The following ARHGEF2 variants were observed in gnomAD, a reference collection of about 807,000 sequenced individuals.
ARHGEF2 encodes the protein rho guanine nucleotide exchange factor 2.
A neutral mutation model predicts 121.0 loss-of-function variants in ARHGEF2; 22 were observed. The observed-to-expected ratio is 0.18, with a 90% CI of 0.13 to 0.26. The LOEUF is 0.26. Ranked by LOEUF, ARHGEF2 falls within the 10% of genes least tolerant of loss-of-function variation. The pLI, the probability that ARHGEF2 is intolerant of heterozygous loss-of-function variation, is 1.00. For missense variants in ARHGEF2, 907 were observed against 1,336.0 expected, an observed-to-expected ratio of 0.68 and a Z score of 5.01; for synonymous variants, 487 against 530.0, an observed-to-expected ratio of 0.92 and a Z score of 1.11.
intron 2 of ARHGEF2, among the ~76,000 whole-genome samples, chr1:155,967,285 G>C (rs1021893539): frequency 1.3e-5 from 2 of 152,154 alleles, no homozygotes; most frequent in Admixed American, 6.5e-5. Flanking sequence ...CAGCCAGAAT[G>C]GGGGCTAGGG....
chr1:155,971,302 G>A (rs1680407635), intron 1 of ARHGEF2, among the ~76,000 whole-genome samples: 1 of 152,080 alleles, frequency 6.6e-6, no homozygotes, highest in African/African-American at 2.4e-5. Context: ...TTCAGGCTGG[G>A]TGCAGTGGCT....
chr1:155,969,412 G>A, intron 1 of ARHGEF2, 112 bp from the exon 2 acceptor site: 1 of 1,532,748 alleles, frequency 6.5e-7, no homozygotes. Context: ...GCCTGAGGAT[G>A]CTGGAAAGAC....
Position 155,965,279 on chromosome 1 carries a change from TC to T in ARHGEF2, c.580+23del, listed in dbSNP as rs1318875941. On this transcript the variant is annotated intron_variant, in intron 6 of 21. Coordinates refer to ENST00000361247, the MANE Select transcript of ARHGEF2 (RefSeq NM_001162383.2). The surrounding 1 kb of genome is among the most constrained non-coding windows in gnomAD (Gnocchi z 6.0). ...AGCCCCTCTTCATGTTCCTCAGGGC[TC>T]CCCTGGGCCCAGGCCTGCTCACCTT... 1.2e-6 allele frequency: 2 copies of T among 1,610,584 alleles called. No homozygotes were observed. The highest frequency in any genetic ancestry group is 1.7e-6 in the Non-Finnish European group (2 of 1,176,892).
At position 155,948,020 on chromosome 1, in the gene ARHGEF2, A is replaced by AG. The variant is rs921454154; in HGVS notation, c.2888-6dup. The AG allele has an allele frequency of 6.4e-7, 1 of 1,550,920 alleles. No homozygotes were observed. Among genetic ancestry groups the AG allele is most frequent in the Non-Finnish European group, 8.7e-7 (1 of 1,146,558 alleles). ...TGTCCTGCATTCTGGTAAAGTCTGA[A>AG]GGGGGACAGGACAAAGCCAGTGAGT... On this transcript the variant is annotated splice_polypyrimidine_tract_variant and splice_region_variant and intron_variant, in intron 21 of 21. Transcript: ENST00000361247.
intron 7 of ARHGEF2, among the ~76,000 whole-genome samples, chr1:155,964,165 AAAATATATATAT>A (rs1445192413): frequency 4.3e-5 from 4 of 93,042 alleles, no homozygotes; most frequent in African/African-American, 1.7e-4. Context: ...AAAAAAAAAA[AAAATATATATAT>A]ATATATATAT....
intron 1 of ARHGEF2, chr1:155,969,876 C>G (rs1004696287): frequency 1.0e-6 from 1 of 985,752 alleles, no homozygotes; most frequent in African/African-American, 1.7e-5. Flanking sequence ...ACCCCCAACC[C>G]AGGGGTCAGG....
chr1:155,964,878 G>A, intron 7 of ARHGEF2, 110 bp downstream of exon 7: 2 of 1,237,668 alleles, frequency 1.6e-6, no homozygotes, highest in Non-Finnish European at 2.2e-6. Flanking sequence ...GGTTGAGAGA[G>A]TGAGACTCCA....
At chr1:155,958,574 A>ATTTTTT (rs397722034) in intron 11 of ARHGEF2, among the ~76,000 whole-genome samples, 178 bp from the exon 12 acceptor site, 1 of 122,272 alleles carries the variant, frequency 8.2e-6, no homozygotes. Context: ...CACCCATTCT[A>ATTTTTT]TTTTTTTTTT....
At chr1:155,973,799 G>A (rs929321032) in intron 1 of ARHGEF2, among the ~76,000 whole-genome samples, 1 of 152,038 alleles carries the variant, frequency 6.6e-6, no homozygotes, top group African/African-American at 2.4e-5. Context: ...ATGGCAGAGG[G>A]CATTGTGGAT....
intron 3 of ARHGEF2, 38 bp downstream of exon 3, chr1:155,966,782 C>A: frequency 6.4e-7 from 1 of 1,560,248 alleles, no homozygotes; most frequent in Non-Finnish European, 8.8e-7. Context: ...ACACTCACTA[C>A]CCTCTCCCCC....
chr1:155,961,743 G>A lies in ARHGEF2; in HGVS notation c.1386C>T (p.Pro462=), dbSNP rs146397969. The A allele has an allele frequency of 5.6e-6, 9 of 1,614,078 alleles. No homozygotes were observed. Among genetic ancestry groups the A allele is most frequent in the Non-Finnish European group, 6.8e-6 (8 of 1,180,040 alleles). ...RAQTPVPGKG[P]FGREELLRRK... ...GCCTCAGAAGTTCCTCTCGGCCAAAGGGGCCCTTGCCAGGCACTGGGGTTT... is the reference window on the plus strand; with the variant it reads ...GCCTCAGAAGTTCCTCTCGGCCAAAAGGGCCCTTGCCAGGCACTGGGGTTT... Residue 462 remains proline, a synonymous_variant, in exon 11 of 22, where the codon CCC becomes CCT. Coordinates refer to ENST00000361247, the MANE Select transcript of ARHGEF2 (RefSeq NM_001162383.2). The surrounding 1 kb of genome is among the most constrained non-coding windows in gnomAD (Gnocchi z 4.7).
At chr1:155,953,435 A>T (rs1675932280) in intron 14 of ARHGEF2, among the ~76,000 whole-genome samples, 1 of 152,162 alleles carries the variant, frequency 6.6e-6, no homozygotes, top group South Asian at 2.1e-4. Flanking sequence ...ATATTGCTAC[A>T]TGACTACATT....
intron 14 of ARHGEF2, among the ~76,000 whole-genome samples, chr1:155,953,259 C>CT: frequency 1.0e-5 from 1 of 100,102 alleles, no homozygotes; most frequent in East Asian, 3.1e-4. Context: ...CAGCAAGACT[C>CT]TGTCTCAAAA....
At position 155,950,357 on chromosome 1, in the gene ARHGEF2, A is replaced by G. The variant is rs1393145471; in HGVS notation, c.2829T>C (p.Pro943=). Residue 943 remains proline, a synonymous_variant, in exon 21 of 22, where the codon CCT becomes CCC. Coordinates refer to ENST00000361247, the MANE Select transcript of ARHGEF2 (RefSeq NM_001162383.2). The surrounding 1 kb of genome is among the most constrained non-coding windows in gnomAD (Gnocchi z 5.2). The stretch of plus-strand genomic sequence containing the variant: ...TACCTTCCTCCTCGCTGCCAGTGTC[A>G]GGGTCACTGCTGTCTTGCAGCCGCT... The part of the protein sequence containing the change: ...PEERLQDSSD[P]DTGSEEEGSS... The G allele has an allele frequency of 6.2e-7, 1 of 1,613,962 alleles. No individual in the cohort carries two copies. The highest frequency in any genetic ancestry group is 1.7e-5 in the Admixed American group (1 of 60,016).
At position 155,948,024 on chromosome 1, in the gene ARHGEF2, G is replaced by A. The variant is rs1674667527; in HGVS notation, c.2888-9C>T. ...CTGCATTCTGGTAAAGTCTGAAGGG[G>A]GACAGGACAAAGCCAGTGAGTTAGC... is the stretch of plus-strand genomic sequence containing the variant. On this transcript the variant is annotated splice_polypyrimidine_tract_variant and intron_variant, in intron 21 of 21. Transcript: ENST00000361247. 1.3e-6 allele frequency: 2 copies of A among 1,550,592 alleles called. No homozygotes were observed. The highest frequency in any genetic ancestry group is 2.4e-5 in the East Asian group (1 of 41,034).
Position 155,962,795 on chromosome 1 carries a change from C to T in ARHGEF2, c.976-77G>A, listed in dbSNP as rs1558025522. 3.7e-6 allele frequency: 6 copies of T among 1,600,504 alleles called. No homozygotes were observed. The highest frequency in any genetic ancestry group is 5.1e-6 in the Non-Finnish European group (6 of 1,171,806). On this transcript the variant is annotated intron_variant, in intron 8 of 21. Coordinates refer to ENST00000361247, the MANE Select transcript of ARHGEF2 (RefSeq NM_001162383.2). The surrounding 1 kb of genome is among the most constrained non-coding windows in gnomAD (Gnocchi z 5.8). ...TACCCACTGGACACACCTCTGGCCT[C>T]CTGCCAAACAGGCTGGCTTCCTGTT...
At position 155,961,564 on chromosome 1, in the gene ARHGEF2, T is replaced by C. The variant is rs1677930150; in HGVS notation, c.1468+97A>G. On this transcript the variant is annotated intron_variant, in intron 11 of 21. Coordinates refer to ENST00000361247, the MANE Select transcript of ARHGEF2 (RefSeq NM_001162383.2). The surrounding 1 kb of genome is among the most constrained non-coding windows in gnomAD (Gnocchi z 4.7). ...GCTGGGATTACAGGCGTTGAGCCACTGCACCCGGCCAAGAGAGGTTGATTC... is the reference window on the plus strand; with the variant it reads ...GCTGGGATTACAGGCGTTGAGCCACCGCACCCGGCCAAGAGAGGTTGATTC... The C allele has an allele frequency of 3.3e-6, 5 of 1,520,880 alleles. No homozygotes were observed. The highest frequency in any genetic ancestry group is 2.3e-5 in the East Asian group (1 of 44,120). The allele number at this position is 1,520,880 out of a possible 1,614,324, so 94.2% of individuals were successfully genotyped here.
intron 2 of ARHGEF2, among the ~76,000 whole-genome samples, chr1:155,967,096 G>A (rs1679557650): frequency 6.6e-6 from 1 of 152,104 alleles, no homozygotes; most frequent in Non-Finnish European, 1.5e-5. Context: ...GGGTATAGGT[G>A]CTGAATGAAA....
At chr1:155,968,090 G>A (rs544115595) in intron 2 of ARHGEF2, 1 of 152,228 alleles carries the variant, frequency 6.6e-6, no homozygotes, top group African/African-American at 2.4e-5. Context: ...TTCCGGATTG[G>A]GAATTTTGTC....
Sources: gnomAD v4.1 joint callset for allele counts (sites outside exome capture counted in the v4.1 genomes callset) on GRCh38, gnomAD v4.1.1 for gene constraint, Gnocchi (gnomAD v3.1) non-coding constraint, MANE v1.5 for transcripts, NCBI Gene and HGNC (gene_info 2026-07-23, HGNC 2026-07-21) for gene names.